PYGO1: variants seen among roughly 807,000 people sequenced by gnomAD.
PYGO1 encodes pygopus family PHD finger 1.
A neutral mutation model predicts 29.5 loss-of-function variants in PYGO1; 6 were observed. The ratio of observed to expected loss-of-function variants is 0.20; its 90% confidence interval spans 0.11 to 0.40. The LOEUF is 0.40. Among genes scored for constraint, PYGO1 ranks in the 10% least tolerant of loss-of-function variants. The probability of loss-of-function intolerance (pLI) is 1.00; values close to 1 mark genes in which losing one functional copy is unlikely to be tolerated. For synonymous variants in PYGO1, 186 were observed against 180.5 expected, an observed-to-expected ratio of 1.03 and a Z score of -0.24; for missense variants, 515 against 514.9, an observed-to-expected ratio of 1.00 and a Z score of 0.00.
Position 55,561,636 on chromosome 15 carries a change from C to T in PYGO1, c.50-12641G>A, listed in dbSNP as rs149428724. On this transcript the variant is annotated intron_variant, in intron 1 of 2. Transcript: ENST00000563719. ...CCCTTAATACCTGGGGTTTACAATTCAAGATGAGATTTGCACAGGGACACA... is the reference window on the plus strand; with the variant it reads ...CCCTTAATACCTGGGGTTTACAATTTAAGATGAGATTTGCACAGGGACACA... Among the ~76,000 whole-genome samples, 136 of 152,312 alleles carry T rather than the reference C, an allele frequency of 8.9e-4. 1 individual carries two copies. In the South Asian group the frequency reaches 0.028, roughly 31 times the overall value.
intron 1 of PYGO1, among the ~76,000 whole-genome samples, chr15:55,558,285 C>T (rs988820721): frequency 8.4e-5 from 12 of 143,302 alleles, no homozygotes; most frequent in African/African-American, 3.1e-4. Context: ...AGGAATCCAA[C>T]TTACAAGGGA....
chr15:55,578,005 C>T (rs1044084809), intron 1 of PYGO1, among the ~76,000 whole-genome samples: 2 of 152,138 alleles, frequency 1.3e-5, no homozygotes, highest in African/African-American at 4.8e-5. Flanking sequence ...GAACACCTGA[C>T]CTCAAGTGAT....
At position 55,546,327 on chromosome 15, in the gene PYGO1, G is replaced by A. The variant is rs775800113; in HGVS notation, c.956C>T (p.Thr319Ile). The change falls in exon 3 of 3, where the codon ACA becomes ATA. Residue 319 changes from threonine to isoleucine, a missense_variant. By Grantham distance (89) the Thr-to-Ile change is moderately conservative. Transcript: ENST00000563719. ...QPRGAADACT[T>I]EKSNKSSLHP... is the part of the protein sequence containing the mutation. Reference sequence around the variant, plus strand: ...AAGAGAGGATTTATTGCTTTTTTCTGTGGTGCAGGCATCTGCTGCACCTCT... The same window carrying A: ...AAGAGAGGATTTATTGCTTTTTTCTATGGTGCAGGCATCTGCTGCACCTCT... 6.2e-7 allele frequency: 1 copy of A among 1,614,184 alleles called. No individual in the cohort carries two copies. The highest frequency in any genetic ancestry group is 1.1e-5 in the South Asian group (1 of 91,084).
intron 1 of PYGO1, among the ~76,000 whole-genome samples, chr15:55,582,702 C>A (rs959575071): frequency 4.6e-5 from 7 of 152,198 alleles, no homozygotes; most frequent in African/African-American, 1.4e-4. Context: ...ACTGTATACA[C>A]TGGAATATCC....
chr15:55,583,268 G>T (rs1166066592), intron 1 of PYGO1, among the ~76,000 whole-genome samples: 2 of 151,646 alleles, frequency 1.3e-5, no homozygotes, highest in Non-Finnish European at 2.9e-5. Context: ...ATTGAATGCT[G>T]TATTAATTAA....
chr15:55,548,606 T>C (rs1436791105), intron 2 of PYGO1, among the ~76,000 whole-genome samples: 1 of 148,472 alleles, frequency 6.7e-6, no homozygotes, highest in Non-Finnish European at 1.5e-5. Flanking sequence ...CTTGGGAGGC[T>C]GAGGCAGGAG....
upstream of PYGO1, among the ~76,000 whole-genome samples, chr15:55,588,403 G>C (rs1375863114): frequency 2.0e-5 from 3 of 148,888 alleles, no homozygotes; most frequent in East Asian, 5.8e-4. Context: ...CGAGGGACGT[G>C]GCGCGGCCCC....
chr15:55,564,139 T>A (rs951828723), intron 1 of PYGO1, among the ~76,000 whole-genome samples: 1 of 152,196 alleles, frequency 6.6e-6, no homozygotes, highest in African/African-American at 2.4e-5. Flanking sequence ...GCAGTATTAT[T>A]TGTAATAGCC....
rs2058828932 is a variant in PYGO1, at chr15:55,541,778, CCA to C, written c.*4243_*4244del. On this transcript the variant is annotated 3_prime_UTR_variant, in exon 3 of 3. Transcript: ENST00000563719. Reference sequence around the variant, plus strand: ...GGTAAGGGGGCAAATGCAAAGAAACCCACACCAAAGAACTTAACCTCCTAATC... The same window carrying C: ...GGTAAGGGGGCAAATGCAAAGAAACCCACCAAAGAACTTAACCTCCTAATC... The C allele has an allele frequency of 6.6e-6, 1 of 152,142 alleles. No individual in the cohort carries two copies. Among genetic ancestry groups the C allele is most frequent in the African/African-American group, 2.4e-5 (1 of 41,408 alleles). The allele number at this position is 152,142 out of a possible 1,614,324, so 9.4% of individuals were successfully genotyped here. A position where few individuals can be genotyped will look rare whatever the true frequency, so the allele number is the denominator to read the frequency against.
chr15:55,560,985 A>C (rs187821247), intron 1 of PYGO1, among the ~76,000 whole-genome samples: 1 of 152,096 alleles, frequency 6.6e-6, no homozygotes, highest in East Asian at 1.9e-4. Context: ...AAACCCCACT[A>C]CTTTAAAGTT....
At chr15:55,558,084 T>C (rs1225263769) in intron 1 of PYGO1, among the ~76,000 whole-genome samples, 2 of 152,196 alleles carry the variant, frequency 1.3e-5, no homozygotes, top group Non-Finnish European at 2.9e-5. Flanking sequence ...GACATGATTG[T>C]ATAGTTAGAA....
In PYGO1 at chr15:55,539,840, T is replaced by C. The variant is rs958757946; in HGVS notation, c.*6183A>G. On this transcript the variant is annotated 3_prime_UTR_variant, in exon 3 of 3. Coordinates refer to ENST00000563719, the MANE Select transcript of PYGO1 (RefSeq NM_001367806.1). ...GTATAGAGATATCATTAACATAACATAGGTAGACATTTTGTAATATACATC... is the reference window on the plus strand; with the variant it reads ...GTATAGAGATATCATTAACATAACACAGGTAGACATTTTGTAATATACATC... 2 of 152,062 alleles carry C rather than the reference T, an allele frequency of 1.3e-5. No individual in the cohort carries two copies. Among genetic ancestry groups the C allele is most frequent in the African/African-American group, 4.8e-5 (2 of 41,456 alleles). 9.4% of individuals were successfully genotyped at this position (152,062 alleles called of 1,614,324 possible).
intron 1 of PYGO1, among the ~76,000 whole-genome samples, chr15:55,572,490 C>G (rs759604737): frequency 2.0e-5 from 3 of 152,158 alleles, no homozygotes; most frequent in Non-Finnish European, 4.4e-5. Flanking sequence ...TGACATTGGT[C>G]TTGCCAATGA....
chr15:55,558,158 A>G (rs1262467072), intron 1 of PYGO1, among the ~76,000 whole-genome samples: 1 of 152,244 alleles, frequency 6.6e-6, no homozygotes, highest in Non-Finnish European at 1.5e-5. Context: ...AAGTCTCAGG[A>G]TACAAAATCA....
upstream of PYGO1, chr15:55,588,724 A>G: frequency 1.4e-6 from 2 of 1,473,256 alleles, no homozygotes; most frequent in Non-Finnish European, 9.5e-7. Flanking sequence ...TCGCAAGGAA[A>G]GGGCATCTCC....
At chr15:55,581,806 G>A (rs987664616) in intron 1 of PYGO1, among the ~76,000 whole-genome samples, 1 of 73,048 alleles carries the variant, frequency 1.4e-5, no homozygotes, top group African/African-American at 5.1e-5. Context: ...AGGGACTAAG[G>A]GGGAGGCCAT....
chr15:55,546,135 G>T lies in PYGO1; in HGVS notation c.1148C>A (p.Thr383Asn). ...GMTETAYGLL[T>N]AEASAVWGCD... The stretch of plus-strand genomic sequence containing the variant: ...GCCCCATACTGCAGATGCTTCTGCA[G>T]TTAAGAGGCCATAAGCTGTTTCAGT... The change falls in exon 3 of 3, where the codon ACT becomes AAT. Residue 383 changes from threonine (T) to asparagine (N), a missense_variant. Coordinates refer to ENST00000563719, the MANE Select transcript of PYGO1 (RefSeq NM_001367806.1). 6.2e-7 allele frequency: 1 copy of T among 1,614,172 alleles called. No individual in the cohort carries two copies. The highest frequency in any genetic ancestry group is 2.2e-5 in the East Asian group (1 of 44,886).
At chr15:55,553,357 G>C (rs927789199) in intron 1 of PYGO1, among the ~76,000 whole-genome samples, 5 of 151,480 alleles carry the variant, frequency 3.3e-5, no homozygotes, top group Non-Finnish European at 7.4e-5. Flanking sequence ...ATTCCCCCCA[G>C]TGCAGTACAA....
At chr15:55,549,403 C>T (rs2058868993) in intron 1 of PYGO1, among the ~76,000 whole-genome samples, 1 of 152,076 alleles carries the variant, frequency 6.6e-6, no homozygotes, top group African/African-American at 2.4e-5. Context: ...CACAGTGTAC[C>T]TTGCTTTCTT....
Sources: allele counts gnomAD v4.1 joint callset (sites outside exome capture counted in the v4.1 genomes callset), GRCh38; gene constraint gnomAD v4.1.1; transcripts MANE v1.5; gene names NCBI Gene and HGNC (gene_info 2026-07-23, HGNC 2026-07-21).